Variants in TP63 observed in about 807,000 individuals in gnomAD.
TP63 encodes tumor protein 63.
In TP63, 17 loss-of-function variants were observed where a neutral mutation model predicts 82.8. The ratio of observed to expected loss-of-function variants is 0.21; its 90% CI spans 0.14 to 0.31. The LOEUF (loss-of-function observed/expected upper bound fraction) is 0.31. Among genes scored for constraint, TP63 ranks in the 10% least tolerant of loss-of-function variants. The pLI, the probability that TP63 is intolerant of heterozygous loss-of-function variation, is 1.00. For missense variants in TP63, 648 were observed against 895.3 expected, an observed-to-expected ratio of 0.72 and a Z score of 3.52; for synonymous variants, 330 against 321.7, an observed-to-expected ratio of 1.03 and a Z score of -0.28.
At chr3:189,733,294 C>T (rs1296853463) in intron 1 of TP63, among the ~76,000 whole-genome samples, 1 of 152,122 alleles carries the variant, frequency 6.6e-6, no homozygotes, top group Non-Finnish European at 1.5e-5. Context: ...ATGATGTCTT[C>T]CTTCTATGTA....
At chr3:189,765,684 C>G (rs924550822) in intron 3 of TP63, among the ~76,000 whole-genome samples, 1 of 151,614 alleles carries the variant, frequency 6.6e-6, no homozygotes, top group Non-Finnish European at 1.5e-5. Context: ...CCGCCCACCT[C>G]GGCCTCCCAA....
Position 189,894,499 on chromosome 3 carries a change from G to T in TP63, c.2040G>T (p.Glu680Asp). Residue 680 changes from glutamate to aspartate, a missense_variant, in exon 14 of 14, where the codon GAG (glutamate) becomes GAT (aspartate). Glu to Asp is a conservative substitution (Grantham distance 45, BLOSUM62 2). Around this residue, in one of 5 missense-constraint regions of TP63, gnomAD observed 342 missense variants for 425.7 expected, o/e 0.80. Coordinates refer to ENST00000264731, the MANE Select transcript of TP63 (RefSeq NM_003722.5). The part of the protein sequence containing the change: ...NKQQRIKEEG[E>D] Reference sequence around the variant, plus strand: ...AACAGCGCATCAAAGAGGAGGGGGAGTGAGCCTCACCATGTGAGCTCTTCC... The same window carrying T: ...AACAGCGCATCAAAGAGGAGGGGGATTGAGCCTCACCATGTGAGCTCTTCC... 2 of 1,613,076 alleles carry T rather than the reference G, an allele frequency of 1.2e-6. No homozygotes were observed. Among genetic ancestry groups the T allele is most frequent in the Non-Finnish European group, 1.7e-6 (2 of 1,179,994 alleles).
At chr3:189,724,726 C>G (rs946595639) in intron 1 of TP63, among the ~76,000 whole-genome samples, 1 of 152,112 alleles carries the variant, frequency 6.6e-6, no homozygotes, top group Non-Finnish European at 1.5e-5. Flanking sequence ...GATTCAAATC[C>G]CCTCCATCTC....
intron 3 of TP63, 105 bp from the exon 4 acceptor site, chr3:189,808,167 G>T (rs1481351534): frequency 1.3e-6 from 2 of 1,589,934 alleles, no homozygotes; most frequent in East Asian, 4.5e-5. Flanking sequence ...TGCTTCCGAC[G>T]TGAGGTCCAT....
intron 4 of TP63, among the ~76,000 whole-genome samples, chr3:189,809,295 A>G (rs2108641017): frequency 6.6e-6 from 1 of 152,282 alleles, no homozygotes; most frequent in African/African-American, 2.4e-5. Flanking sequence ...AATTAGTCCA[A>G]AGAAATTGTT....
chr3:189,649,660 GGGATGGTCAT>G (rs1712724779), intron 1 of TP63, among the ~76,000 whole-genome samples: 1 of 146,802 alleles, frequency 6.8e-6, no homozygotes, highest in South Asian at 2.2e-4. Context: ...TATATTAACT[GGGATGGTCAT>G]CTAATAAGGC....
chr3:189,765,033 G>A (rs1268305583), intron 3 of TP63, among the ~76,000 whole-genome samples: 1 of 152,146 alleles, frequency 6.6e-6, no homozygotes, highest in African/African-American at 2.4e-5. Flanking sequence ...AAGCTTTATT[G>A]GAGCGTTGTG....
intron 4 of TP63, among the ~76,000 whole-genome samples, chr3:189,827,674 C>T (rs900989994): frequency 3.3e-5 from 5 of 152,140 alleles, no homozygotes; most frequent in Non-Finnish European, 7.4e-5. Context: ...GAGTGGGAAG[C>T]AGTTTGGTAT....
At chr3:189,788,098 G>C (rs1249447157) in intron 3 of TP63, among the ~76,000 whole-genome samples, 1 of 108,260 alleles carries the variant, frequency 9.2e-6, no homozygotes, top group African/African-American at 3.4e-5. Context: ...TTTTTTTTTT[G>C]CCTTCTAGGC....
chr3:189,684,522 G>T (rs1273429561), intron 1 of TP63, among the ~76,000 whole-genome samples: 1 of 152,138 alleles, frequency 6.6e-6, no homozygotes, highest in Non-Finnish European at 1.5e-5. Flanking sequence ...GTACCTGAAG[G>T]TTAAGGGCAG....
At chr3:189,678,715 A>G (rs2108687161) in intron 1 of TP63, among the ~76,000 whole-genome samples, 1 of 152,128 alleles carries the variant, frequency 6.6e-6, no homozygotes, top group South Asian at 2.1e-4. Flanking sequence ...CTAATCCATG[A>G]GCATGTGACA....
rs147905410 is a variant in TP63, at chr3:189,835,470, T to C, written c.579+26944T>C. On this transcript the variant is annotated intron_variant, in intron 4 of 13. Coordinates refer to ENST00000264731, the MANE Select transcript of TP63 (RefSeq NM_003722.5). ...ATCAAATGAATAGAAATACTTACCA[T>C]GGTGTGTATATACCAGCCTCCTGGT... Among the ~76,000 whole-genome samples, 383 of 152,276 alleles carry C rather than the reference T, an allele frequency of 2.5e-3. 2 individuals are homozygous for C. Among genetic ancestry groups the C allele is most frequent in the African/African-American group, 8.6e-3 (357 of 41,558 alleles).
intron 4 of TP63, among the ~76,000 whole-genome samples, chr3:189,828,030 C>T (rs1431500755): frequency 6.6e-6 from 1 of 152,128 alleles, no homozygotes; most frequent in East Asian, 1.9e-4. Flanking sequence ...CACCTGAGGT[C>T]TGGAGTTCAA....
intron 3 of TP63, among the ~76,000 whole-genome samples, chr3:189,794,633 G>A (rs1203888787): frequency 1.3e-5 from 2 of 152,138 alleles, no homozygotes; most frequent in African/African-American, 2.4e-5. Context: ...AGTTGGAAAT[G>A]CAAGATAGAG....
rs191335786 is a variant in TP63, at chr3:189,789,695, T to C, written c.325-18577T>C. 45 of 1,469,452 alleles carry C rather than the reference T, an allele frequency of 3.1e-5. No homozygotes were observed. In the East Asian group the frequency reaches 7.4e-4, roughly 24 times the overall value. 91.0% of individuals were successfully genotyped at this position (1,469,452 alleles called of 1,614,324 possible). ...AGAGAGAGAGGGACTTGAGTTCTGT[T>C]ATCTTCTTAAGTAGATTCATATTGT... On this transcript the variant is annotated intron_variant, in intron 3 of 13. Coordinates refer to ENST00000264731, the MANE Select transcript of TP63 (RefSeq NM_003722.5).
chr3:189,886,364 T>A, intron 10 of TP63, 30 bp from the exon 11 acceptor site: 1 of 1,611,856 alleles, frequency 6.2e-7, no homozygotes, highest in African/African-American at 1.3e-5. Flanking sequence ...TGTCCCTTGC[T>A]CACCATTATT....
At chr3:189,710,603 A>G (rs1718521975) in intron 1 of TP63, among the ~76,000 whole-genome samples, 1 of 152,084 alleles carries the variant, frequency 6.6e-6, no homozygotes. Flanking sequence ...ACAAAAATAT[A>G]CTTGCTAAAG....
At chr3:189,610,732 C>G in the TP63 span, among the ~76,000 whole-genome samples, 1 of 152,190 alleles carries the variant, frequency 6.6e-6, no homozygotes. Flanking sequence ...AGCAGTGCCC[C>G]ACTCTACTGG....
intron 1 of TP63, among the ~76,000 whole-genome samples, chr3:189,696,381 C>T (rs2108731106): frequency 6.6e-6 from 1 of 152,190 alleles, no homozygotes. Context: ...GGCTTGATAG[C>T]TCATTTACTA....
Sources: allele counts gnomAD v4.1 joint callset (sites outside exome capture counted in the v4.1 genomes callset), GRCh38; gene constraint gnomAD v4.1.1; regional missense constraint gnomAD v4.1.1; transcripts MANE v1.5; gene names NCBI Gene and HGNC (gene_info 2026-07-23, HGNC 2026-07-21).